The following NLGN4X variants were observed in gnomAD, a reference collection of about 807,000 sequenced individuals.
The protein encoded by NLGN4X is neuroligin-4, X-linked.
A neutral mutation model predicts 40.3 loss-of-function variants in NLGN4X; 3 were observed. The observed-to-expected ratio is 0.07, with a 90% confidence interval of 0.03 to 0.19. NLGN4X has a LOEUF of 0.19. Among genes scored for constraint, NLGN4X ranks in the 10% least tolerant of loss-of-function variants. The probability of loss-of-function intolerance (pLI) is 1.00; values close to 1 mark genes in which losing one functional copy is unlikely to be tolerated. For synonymous variants in NLGN4X, 270 were observed against 306.8 expected (o/e 0.88, Z 1.25); for missense variants, 382 against 708.3 (o/e 0.54, Z 5.23).
At chrX:5,970,331 G>A (rs1322834407) in intron 3 of NLGN4X, among the ~76,000 whole-genome samples, 1 of 110,130 alleles carries the variant, frequency 9.1e-6, no homozygotes, top group Non-Finnish European at 1.9e-5. Flanking sequence ...AGAACTTAAA[G>A]TATAATAATA....
chrX:5,952,445 G>C (rs2034344556), intron 3 of NLGN4X, among the ~76,000 whole-genome samples: 1 of 109,965 alleles, frequency 9.1e-6, no homozygotes, highest in African/African-American at 3.3e-5. Context: ...CTCTATGGCT[G>C]CTTCTCATTT....
intron 3 of NLGN4X, among the ~76,000 whole-genome samples, chrX:5,926,559 G>GTGAGTTTTAT (rs1244856381): frequency 3.6e-5 from 4 of 110,244 alleles, no homozygotes; most frequent in Non-Finnish European, 5.7e-5. Flanking sequence ...AATATAACCA[G>GTGAGTTTTAT]TGAGTTTTAT....
chrX:6,212,412 G>A (rs1261216589), intron 1 of NLGN4X, among the ~76,000 whole-genome samples: 1 of 111,182 alleles, frequency 9.0e-6, no homozygotes, highest in Non-Finnish European at 1.9e-5. Flanking sequence ...ACATCATAAG[G>A]TTAAGAGGAT....
At chrX:6,024,236 T>C (rs892661393) in intron 3 of NLGN4X, among the ~76,000 whole-genome samples, 3 of 111,213 alleles carry the variant, frequency 2.7e-5, no homozygotes, top group African/African-American at 3.3e-5. Flanking sequence ...TGATAGGGCA[T>C]AGGTACTCAA....
chrX:5,995,750 T>C (rs1421314847), intron 3 of NLGN4X, among the ~76,000 whole-genome samples: 1 of 111,619 alleles, frequency 9.0e-6, no homozygotes, highest in Non-Finnish European at 1.9e-5. Context: ...AGGGCAAGGG[T>C]CAGGCAGGGT....
rs1471113904 is a variant in NLGN4X, at chrX:5,987,618, T to A, written c.625+41662A>T. Among the ~76,000 whole-genome samples, 3 of 112,485 alleles carry A rather than the reference T, an allele frequency of 2.7e-5. No homozygotes were observed. In the East Asian group the frequency reaches 8.4e-4, roughly 32 times the overall value. On this transcript the variant is annotated intron_variant, in intron 3 of 5. Transcript: ENST00000381095. ...ACCAGTTAACCTCATGCATCTATTATATTGTTTCATATGGCCCTATTATTT... is the reference window on the plus strand; with the variant it reads ...ACCAGTTAACCTCATGCATCTATTAAATTGTTTCATATGGCCCTATTATTT...
chrX:6,102,985 A>G lies in NLGN4X; in HGVS notation c.472+48010T>C, dbSNP rs1274074603. Among the ~76,000 whole-genome samples the G allele has an allele frequency of 2.7e-5, 3 of 111,575 alleles. No individual in the cohort carries two copies. The South Asian group carries it at 1.1e-3, about 42-fold the overall frequency. ...ATTCAGGGTTCTGAGGAAGGTGATT[A>G]GGGAAGCTGTGAATTCTCTGTTTTG... On this transcript the variant is annotated intron_variant, in intron 2 of 5. Transcript: ENST00000381095.
chrX:6,148,942 C>A lies in NLGN4X; in HGVS notation c.472+2053G>T, dbSNP rs771230219. Among the ~76,000 whole-genome samples, 3 of 112,071 alleles carry A rather than the reference C, an allele frequency of 2.7e-5. No homozygotes were observed. In the East Asian group the frequency reaches 8.4e-4, roughly 31 times the overall value. On this transcript the variant is annotated intron_variant, in intron 2 of 5. Coordinates refer to ENST00000381095, the MANE Select transcript of NLGN4X (RefSeq NM_181332.3). ...GGCTGTAGCTTTGAACTCTCACCAG[C>A]AAAATTCTAAAGTTTACACATCGTG...
intron 5 of NLGN4X, among the ~76,000 whole-genome samples, chrX:5,901,483 T>C (rs1396301841): frequency 4.5e-5 from 5 of 111,762 alleles, no homozygotes; most frequent in Non-Finnish European, 9.4e-5. Flanking sequence ...AATGAAAAAA[T>C]GCCACAATGT....
At chrX:6,039,676 T>G (rs369099973) in intron 2 of NLGN4X, among the ~76,000 whole-genome samples, 3 of 112,370 alleles carry the variant, frequency 2.7e-5, no homozygotes, top group Non-Finnish European at 5.6e-5. Context: ...GCCACTTTGA[T>G]GAGTATAAAA....
At chrX:6,064,926 T>C (rs1190718329) in intron 2 of NLGN4X, among the ~76,000 whole-genome samples, 1 of 111,232 alleles carries the variant, frequency 9.0e-6, no homozygotes, top group African/African-American at 3.3e-5. Context: ...TGGAATACTA[T>C]ATAGCCATAA....
intron 3 of NLGN4X, among the ~76,000 whole-genome samples, chrX:5,925,887 T>TATATATATATATAC (rs2033276820): frequency 1.5e-4 from 1 of 6,790 alleles, no homozygotes; most frequent in Non-Finnish European, 2.3e-4. Flanking sequence ...CACACATATA[T>TATATATATATATAC]ATATATATAT....
At chrX:6,077,651 ACCT>A (rs1413462916) in intron 2 of NLGN4X, among the ~76,000 whole-genome samples, 27 of 110,940 alleles carry the variant, frequency 2.4e-4, no homozygotes, top group African/African-American at 8.8e-4. Flanking sequence ...TGTCGGATTA[ACCT>A]CATTTTTTCA....
chrX:6,196,721 G>A (rs776799544), intron 1 of NLGN4X, among the ~76,000 whole-genome samples: 3 of 110,267 alleles, frequency 2.7e-5, no homozygotes, highest in South Asian at 4.0e-4. Context: ...TGCAGGCCTC[G>A]GTCACCACCT....
chrX:6,063,706 A>G (rs376794482), intron 2 of NLGN4X, among the ~76,000 whole-genome samples: 7 of 112,557 alleles, frequency 6.2e-5, no homozygotes, highest in African/African-American at 2.3e-4. Flanking sequence ...TTAGAATTAT[A>G]TAAGACTATG....
intron 2 of NLGN4X, among the ~76,000 whole-genome samples, chrX:6,122,560 G>A (rs1056644005): frequency 9.1e-6 from 1 of 110,102 alleles, no homozygotes; most frequent in African/African-American, 3.3e-5. Context: ...ATTGCCCATT[G>A]GACACTTGGT....
At chrX:6,158,226 A>T (rs1005763743) in intron 1 of NLGN4X, among the ~76,000 whole-genome samples, 1 of 111,933 alleles carries the variant, frequency 8.9e-6, no homozygotes, top group East Asian at 2.8e-4. Context: ...ATGTGCCACC[A>T]TGCCTGTAGT....
intron 3 of NLGN4X, among the ~76,000 whole-genome samples, chrX:5,945,828 C>A (rs73450248): frequency 9.0e-6 from 1 of 110,816 alleles, no homozygotes; most frequent in Non-Finnish European, 1.9e-5. Context: ...GCGTACTTGG[C>A]TCAATACCTG....
intron 3 of NLGN4X, among the ~76,000 whole-genome samples, chrX:6,015,678 C>T (rs1315069626): frequency 1.8e-5 from 2 of 111,566 alleles, no homozygotes; most frequent in Non-Finnish European, 3.8e-5. Context: ...CTGATTGAAA[C>T]GAACCCTTCT....
Sources: gnomAD v4.1 joint callset for allele counts (sites outside exome capture counted in the v4.1 genomes callset) on GRCh38, gnomAD v4.1.1 for gene constraint, MANE v1.5 for transcripts, NCBI Gene and HGNC (gene_info 2026-07-23, HGNC 2026-07-21) for gene names.